The following SMIM36 variants were observed in gnomAD, a reference collection of about 807,000 sequenced individuals.
SMIM36 encodes the protein small integral membrane protein 36.
At chr17:55,492,620 C>T (rs1462785960) in intron 1 of SMIM36, among the ~76,000 whole-genome samples, 2 of 140,090 alleles carry the variant, frequency 1.4e-5, no homozygotes, top group African/African-American at 3.0e-5. Context: ...CTAACAAATA[C>T]ACCCACTTAA....
In SMIM36 at chr17:55,458,234, T is replaced by C. The variant is rs544434821; in HGVS notation, c.*532-7936A>G. 4.6e-5 allele frequency: 7 copies of C among 152,312 alleles called. No individual in the cohort carries two copies. The South Asian group carries it at 1.4e-3, about 32-fold the overall frequency. The allele number at this position is 152,312 out of a possible 1,614,324, so 9.4% of individuals were successfully genotyped here. ...ATGTTCTATTACTCACTTTCTCCAA[T>C]TGTTCCTACATCCAAGCAAACAGGC... On this transcript the variant is annotated intron_variant, in intron 4 of 4. Coordinates refer to ENST00000636752, the Ensembl canonical transcript of SMIM36.
upstream of SMIM36, among the ~76,000 whole-genome samples, chr17:55,512,548 T>A (rs1255287358): frequency 6.6e-6 from 1 of 152,252 alleles, no homozygotes; most frequent in Non-Finnish European, 1.5e-5. Flanking sequence ...TATTCCTTGA[T>A]GTACAAATCA....
At chr17:55,459,672 CA>C (rs1909100594) in intron 4 of SMIM36, among the ~76,000 whole-genome samples, 1 of 152,098 alleles carries the variant, frequency 6.6e-6, no homozygotes, top group Admixed American at 6.5e-5. Context: ...TTCTCTACCC[CA>C]AAGGTTTAGC....
intron 1 of SMIM36, among the ~76,000 whole-genome samples, chr17:55,501,505 T>A (rs1394796899): frequency 9.2e-6 from 1 of 108,848 alleles, no homozygotes; most frequent in African/African-American, 3.6e-5. Context: ...ATATAATATA[T>A]TATTATGTAT....
intron 3 of SMIM36, among the ~76,000 whole-genome samples, chr17:55,476,682 C>T (rs571504872): frequency 6.6e-6 from 1 of 152,292 alleles, no homozygotes; most frequent in Non-Finnish European, 1.5e-5. Context: ...ATTCTCCCAC[C>T]TCAGCCTCCT....
intron 1 of SMIM36, among the ~76,000 whole-genome samples, chr17:55,500,265 C>T (rs1478982927): frequency 2.6e-5 from 4 of 152,014 alleles, no homozygotes; most frequent in African/African-American, 9.7e-5. Context: ...GCTGGGACTA[C>T]AGGTGCCAGC....
chr17:55,472,266 C>T (rs1909351381), intron 3 of SMIM36, among the ~76,000 whole-genome samples: 1 of 152,222 alleles, frequency 6.6e-6, no homozygotes, highest in Non-Finnish European at 1.5e-5. Context: ...TGTCCCACAC[C>T]TCCATTATCG....
intron 1 of SMIM36, among the ~76,000 whole-genome samples, chr17:55,509,202 CCT>C (rs1262157419): frequency 2.0e-5 from 3 of 152,280 alleles, no homozygotes; most frequent in South Asian, 4.1e-4. Context: ...GCCAGGCCCT[CCT>C]CTTCAGTTTT....
intron 3 of SMIM36, among the ~76,000 whole-genome samples, chr17:55,475,158 G>A (rs991959349): frequency 3.9e-5 from 6 of 152,166 alleles, no homozygotes; most frequent in African/African-American, 7.2e-5. Flanking sequence ...CTTCTGTCTC[G>A]TCATACTCCT....
chr17:55,463,248 A>T (rs1351190195), intron 4 of SMIM36, among the ~76,000 whole-genome samples: 1 of 152,140 alleles, frequency 6.6e-6, no homozygotes, highest in Non-Finnish European at 1.5e-5. Context: ...ACAGTAAGAG[A>T]CTAATAACAA....
chr17:55,502,357 C>T lies in SMIM36; in HGVS notation c.*174+8522G>A, dbSNP rs1344582139. On this transcript the variant is annotated intron_variant, in intron 1 of 4. Coordinates refer to ENST00000636752, the Ensembl canonical transcript of SMIM36. ...GCTTTGAAGGGAGCAGTGGTTCTCCCAGCATGCAGCTGGAGATCTGAGAAC... is the reference window on the plus strand; with the variant it reads ...GCTTTGAAGGGAGCAGTGGTTCTCCTAGCATGCAGCTGGAGATCTGAGAAC... Among the ~76,000 whole-genome samples the T allele has an allele frequency of 1.4e-4, 14 of 102,692 alleles. 2 individuals carry two copies. The highest frequency in any genetic ancestry group is 7.3e-4 in the African/African-American group (14 of 19,296). 67.4% of individuals were successfully genotyped at this position (102,692 alleles called of 152,430 possible). A position where few individuals can be genotyped will look rare whatever the true frequency, so the allele number is the denominator to read the frequency against.
chr17:55,518,507 T>A, the SMIM36 span, among the ~76,000 whole-genome samples: 1 of 152,166 alleles, frequency 6.6e-6, no homozygotes, highest in Non-Finnish European at 1.5e-5. Flanking sequence ...GACAGTTGAC[T>A]GTTAGTTTTG....
At chr17:55,476,703 C>T (rs1437367301) in intron 3 of SMIM36, among the ~76,000 whole-genome samples, 1 of 152,234 alleles carries the variant, frequency 6.6e-6, no homozygotes, top group East Asian at 1.9e-4. Flanking sequence ...GACTAGGTGA[C>T]TGCAGGCACA....
At chr17:55,491,933 GGGA>G (rs1909713426) in intron 1 of SMIM36, among the ~76,000 whole-genome samples, 1 of 152,046 alleles carries the variant, frequency 6.6e-6, no homozygotes, top group Non-Finnish European at 1.5e-5. Context: ...GCCGAGGTGG[GGGA>G]ATCACGAGGT....
intron 1 of SMIM36, among the ~76,000 whole-genome samples, chr17:55,482,658 C>G (rs1909540368): frequency 6.6e-6 from 1 of 152,178 alleles, no homozygotes; most frequent in Non-Finnish European, 1.5e-5. Flanking sequence ...AACAAAGAGA[C>G]AGCCTGCATA....
chr17:55,522,562 C>G, the SMIM36 span, among the ~76,000 whole-genome samples: 1 of 152,172 alleles, frequency 6.6e-6, no homozygotes, highest in Non-Finnish European at 1.5e-5. Context: ...CATCAGATCT[C>G]ATGAGACTTA....
chr17:55,458,453 A>C (rs1288245451), intron 4 of SMIM36: 1 of 152,036 alleles, frequency 6.6e-6, no homozygotes, highest in Admixed American at 6.6e-5. Context: ...CTTGTTAGGG[A>C]TCCACCCCAC....
At chr17:55,457,699 G>C (rs1473365728) in intron 4 of SMIM36, among the ~76,000 whole-genome samples, 2 of 151,548 alleles carry the variant, frequency 1.3e-5, no homozygotes, top group African/African-American at 4.8e-5. Context: ...GCTAATTTTT[G>C]TATTTTTAGT....
At chr17:55,459,321 T>C (rs1378120605) in intron 4 of SMIM36, among the ~76,000 whole-genome samples, 2 of 152,234 alleles carry the variant, frequency 1.3e-5, no homozygotes, top group African/African-American at 4.8e-5. Context: ...CAGAGAGTCA[T>C]TGGATCAAAT....
Sources: allele counts gnomAD v4.1 joint callset (sites outside exome capture counted in the v4.1 genomes callset), GRCh38; gene constraint gnomAD v4.1.1; transcripts MANE v1.5; gene names NCBI Gene and HGNC (gene_info 2026-07-23, HGNC 2026-07-21).